MAST4: variants seen among roughly 807,000 people sequenced by gnomAD.
The protein encoded by MAST4 is microtubule-associated serine/threonine-protein kinase 4.
Under a neutral mutation model 162.7 loss-of-function variants are expected in MAST4, and 89 were observed. The ratio of observed to expected loss-of-function variants is 0.55; its 90% confidence interval spans 0.46 to 0.65. MAST4 has a LOEUF of 0.65. Among genes scored for constraint, MAST4 ranks in the 30% least tolerant of loss-of-function variants. The pLI is 0.00. For synonymous variants in MAST4, 1,479 were observed against 1,361.1 expected (o/e 1.09, Z -1.91); for missense variants, 3,153 against 3,374.0 (o/e 0.93, Z 1.62).
intron 1 of MAST4, among the ~76,000 whole-genome samples, chr5:66,653,741 A>C (rs1292492289): frequency 2.0e-5 from 3 of 152,166 alleles, no homozygotes; most frequent in African/African-American, 7.2e-5. Context: ...GCCCAGCATA[A>C]GTCTGGCTTT....
At chr5:66,961,067 T>C (rs1019381528) in intron 4 of MAST4, among the ~76,000 whole-genome samples, 14 of 152,310 alleles carry the variant, frequency 9.2e-5, no homozygotes, top group Admixed American at 3.9e-4. Context: ...TAAATATCAT[T>C]GTAGTATTAG....
At chr5:66,797,567 C>T (rs184521001) in intron 3 of MAST4, among the ~76,000 whole-genome samples, 162 of 152,124 alleles carry the variant, frequency 1.1e-3, no homozygotes, top group African/African-American at 3.6e-3. Flanking sequence ...AAAATCTGTG[C>T]GAAACGTGGT....
intron 4 of MAST4, among the ~76,000 whole-genome samples, chr5:66,978,886 A>G (rs1240870108): frequency 6.6e-6 from 1 of 152,186 alleles, no homozygotes; most frequent in Non-Finnish European, 1.5e-5. Flanking sequence ...ATAGAATAAC[A>G]TGGTAGCTTA....
intron 17 of MAST4, 111 bp from the exon 18 acceptor site, chr5:67,134,412 C>T: frequency 1.2e-6 from 1 of 800,136 alleles, no homozygotes; most frequent in Non-Finnish European, 1.9e-6. Flanking sequence ...CATGTGGTTC[C>T]ATGTGGTTGA....
chr5:66,965,247 A>G (rs1369857067), intron 4 of MAST4, among the ~76,000 whole-genome samples: 1 of 84,628 alleles, frequency 1.2e-5, no homozygotes, highest in Non-Finnish European at 2.3e-5. Context: ...TTTTTTCCCT[A>G]TCTGGAGAAT....
intron 3 of MAST4, among the ~76,000 whole-genome samples, chr5:66,897,996 T>C (rs924917809): frequency 3.3e-5 from 5 of 152,220 alleles, no homozygotes; most frequent in Non-Finnish European, 7.3e-5. Flanking sequence ...TATTTGCATA[T>C]ATAGTTGAAA....
At chr5:66,727,994 C>A (rs75914901) in intron 1 of MAST4, among the ~76,000 whole-genome samples, 1 of 152,158 alleles carries the variant, frequency 6.6e-6, no homozygotes, top group East Asian at 1.9e-4. Flanking sequence ...TGTTGGTTTT[C>A]TCTGATCAAA....
intron 1 of MAST4, among the ~76,000 whole-genome samples, chr5:66,657,559 CG>C (rs1746633405): frequency 6.6e-6 from 1 of 152,122 alleles, no homozygotes; most frequent in Non-Finnish European, 1.5e-5. Context: ...AAGGTAAAAT[CG>C]GTATTTGTAG....
At chr5:66,806,138 C>T (rs946072620) in intron 3 of MAST4, among the ~76,000 whole-genome samples, 2 of 152,202 alleles carry the variant, frequency 1.3e-5, no homozygotes, top group African/African-American at 4.8e-5. Context: ...TCAGAACATC[C>T]TCTGCCTCTT....
At chr5:66,988,394 C>T (rs1381938933) in intron 4 of MAST4, among the ~76,000 whole-genome samples, 1 of 152,140 alleles carries the variant, frequency 6.6e-6, no homozygotes, top group East Asian at 1.9e-4. Flanking sequence ...AAGACAGCTT[C>T]CAATGGGCAA....
intron 3 of MAST4, among the ~76,000 whole-genome samples, chr5:66,829,415 GTAAC>G (rs1225951858): frequency 1.3e-5 from 2 of 152,104 alleles, no homozygotes; most frequent in Non-Finnish European, 2.9e-5. Context: ...GAAAAGATAT[GTAAC>G]TCACTGCCTT....
At chr5:66,784,349 A>G (rs1755012801) in intron 2 of MAST4, among the ~76,000 whole-genome samples, 1 of 152,152 alleles carries the variant, frequency 6.6e-6, no homozygotes, top group Non-Finnish European at 1.5e-5. Flanking sequence ...AACCCCATAT[A>G]CCTATCAGCC....
chr5:67,001,312 C>T (rs1751268044), intron 4 of MAST4: 1 of 152,166 alleles, frequency 6.6e-6, no homozygotes, highest in Admixed American at 6.5e-5. Flanking sequence ...GTCATCTGTA[C>T]TCTTATCTTC....
At chr5:66,641,780 A>G (rs1412199260) in intron 1 of MAST4, among the ~76,000 whole-genome samples, 1 of 152,126 alleles carries the variant, frequency 6.6e-6, no homozygotes, top group Non-Finnish European at 1.5e-5. Context: ...AATAACAACT[A>G]TAGAGGGTTG....
At chr5:67,078,929 TATA>T (rs1561622456) in intron 5 of MAST4, among the ~76,000 whole-genome samples, 1 of 67,218 alleles carries the variant, frequency 1.5e-5, no homozygotes, top group African/African-American at 8.4e-5. Context: ...TATATATATA[TATA>T]TATATATATA....
intron 4 of MAST4, among the ~76,000 whole-genome samples, chr5:67,023,832 T>A (rs1308558065): frequency 6.6e-6 from 1 of 152,070 alleles, no homozygotes; most frequent in Non-Finnish European, 1.5e-5. Flanking sequence ...TCAGGTTTTT[T>A]TTTAAATTTT....
At chr5:66,635,530 G>A (rs1362865816) in intron 1 of MAST4, among the ~76,000 whole-genome samples, 2 of 152,170 alleles carry the variant, frequency 1.3e-5, no homozygotes, top group Admixed American at 1.3e-4. Context: ...ATTAGTATAG[G>A]AATATGAACT....
At chr5:66,819,726 C>G (rs1216035153) in intron 3 of MAST4, among the ~76,000 whole-genome samples, 1 of 148,716 alleles carries the variant, frequency 6.7e-6, no homozygotes, top group Non-Finnish European at 1.5e-5. Flanking sequence ...GGAAGTTTGG[C>G]TAGGCAACAG....
At chr5:67,092,063 T>A (rs1763923084) in intron 6 of MAST4, among the ~76,000 whole-genome samples, 1 of 152,224 alleles carries the variant, frequency 6.6e-6, no homozygotes, top group South Asian at 2.1e-4. Context: ...CATTTTAGAG[T>A]TGATTTTTCC....
Sources: gnomAD v4.1 joint callset for allele counts (sites outside exome capture counted in the v4.1 genomes callset) on GRCh38, gnomAD v4.1.1 for gene constraint, MANE v1.5 for transcripts, NCBI Gene and HGNC (gene_info 2026-07-23, HGNC 2026-07-21) for gene names.